Variants in PTPRD observed in about 807,000 individuals in gnomAD.
PTPRD encodes protein tyrosine phosphatase receptor type D, also known as receptor-type tyrosine-protein phosphatase delta.
PTPRD carries 34 observed loss-of-function variants against 214.5 expected under a neutral mutation model. The observed-to-expected ratio is 0.16, with a 90% CI of 0.12 to 0.21. The LOEUF is 0.21. Ranked by LOEUF, PTPRD falls within the 10% of genes least tolerant of loss-of-function variation. PTPRD has a pLI of 1.00. For missense variants in PTPRD, 2,545 were observed against 2,398.7 expected (o/e 1.06, Z -1.27); for synonymous variants, 1,128 against 845.7 (o/e 1.33, Z -5.79).
rs149725628 is a variant in PTPRD, at chr9:8,372,138, C to T, written c.4661+3798G>A. 3.5e-3 allele frequency among the ~76,000 whole-genome samples: 531 copies of T among 152,140 alleles called. 4 individuals carry two copies. Among genetic ancestry groups the T allele is most frequent in the African/African-American group, 0.012 (491 of 41,526 alleles). On this transcript the variant is annotated intron_variant, in intron 39 of 45. Coordinates refer to ENST00000381196, the MANE Select transcript of PTPRD (RefSeq NM_002839.4). ...TGTTCTCTCTCACTGAGAAAAGTCT[C>T]ATGGGATTGCCATAGTAGAAAATAT...
chr9:10,312,550 A>G (rs1004978873), intron 3 of PTPRD, among the ~76,000 whole-genome samples: 1 of 152,032 alleles, frequency 6.6e-6, no homozygotes, highest in Non-Finnish European at 1.5e-5. Flanking sequence ...TCTTGCTTAA[A>G]GAAAAGATTT....
intron 2 of PTPRD, among the ~76,000 whole-genome samples, chr9:10,421,536 T>A (rs1054157592): frequency 6.6e-6 from 1 of 151,896 alleles, no homozygotes; most frequent in Admixed American, 6.6e-5. Context: ...TTTAAGGAGA[T>A]AATGATAAAT....
At chr9:10,444,813 T>A (rs544885775) in intron 2 of PTPRD, among the ~76,000 whole-genome samples, 1 of 152,074 alleles carries the variant, frequency 6.6e-6, no homozygotes, top group Admixed American at 6.6e-5. Context: ...CTGAATAAAT[T>A]AGACTTTGTG....
Position 10,464,410 on chromosome 9 carries a change from GAC to G in PTPRD, c.-599-123395_-599-123394del, listed in dbSNP as rs1229751837. Among the ~76,000 whole-genome samples the G allele has an allele frequency of 4.1e-3, 552 of 134,514 alleles. 2 individuals are homozygous for G. The highest frequency in any genetic ancestry group is 0.013 in the African/African-American group (509 of 38,712). The allele number at this position is 134,514 out of a possible 152,430, so 88.2% of individuals were successfully genotyped here. A position where few individuals can be genotyped will look rare whatever the true frequency, so the allele number is the denominator to read the frequency against. On this transcript the variant is annotated intron_variant, in intron 2 of 45. Transcript: ENST00000381196. ...AGAAAGAGAGAGAGAGAGATAGAGAGACAGAGAGAGAGAGAGAGAGACAGAGA... is the reference window on the plus strand; with the variant it reads ...AGAAAGAGAGAGAGAGAGATAGAGAGAGAGAGAGAGAGAGAGAGACAGAGA...
rs1179429190 is a variant in PTPRD at position 10,100,566 on chromosome 9, T to C, written c.-544-66776A>G. On this transcript the variant is annotated intron_variant, in intron 3 of 45. Transcript: ENST00000381196. ...AAGAAGTCAGCAACCACAGGGAATA[T>C]GCAACAATGAGAATTTCATAGGAGT... is the stretch of plus-strand genomic sequence containing the variant. Among the ~76,000 whole-genome samples the C allele has an allele frequency of 5.9e-5, 9 of 151,864 alleles. No homozygotes were observed. The East Asian group carries it at 1.8e-3, about 30-fold the overall frequency.
chr9:9,080,488 C>G (rs117994174), intron 10 of PTPRD, among the ~76,000 whole-genome samples: 4 of 152,162 alleles, frequency 2.6e-5, no homozygotes, highest in Non-Finnish European at 5.9e-5. Context: ...AAATGATATC[C>G]TATCATCTTA....
At chr9:10,364,769 T>G (rs889417241) in intron 2 of PTPRD, among the ~76,000 whole-genome samples, 3 of 151,304 alleles carry the variant, frequency 2.0e-5, no homozygotes, top group African/African-American at 7.4e-5. Context: ...TAATTTTCAC[T>G]GAGCATATTC....
intron 11 of PTPRD, among the ~76,000 whole-genome samples, chr9:9,014,054 A>G (rs368207091): frequency 3.9e-5 from 6 of 152,110 alleles, no homozygotes; most frequent in African/African-American, 1.4e-4. Context: ...TACTTGTTGT[A>G]GATAACACCA....
intron 11 of PTPRD, among the ~76,000 whole-genome samples, chr9:8,952,385 A>G (rs1390668247): frequency 6.6e-6 from 1 of 152,062 alleles, no homozygotes; most frequent in Admixed American, 6.6e-5. Context: ...AAAGGAATGC[A>G]CAGGGCAATT....
At chr9:10,280,386 A>G (rs1037643515) in intron 3 of PTPRD, among the ~76,000 whole-genome samples, 2 of 150,212 alleles carry the variant, frequency 1.3e-5, no homozygotes, top group Non-Finnish European at 3.0e-5. Flanking sequence ...ACACACACAC[A>G]CACATGTGAG....
chr9:8,951,022 T>C lies in PTPRD; in HGVS notation c.-104+67675A>G, dbSNP rs114556101. Among the ~76,000 whole-genome samples the C allele has an allele frequency of 4.6e-3, 696 of 152,220 alleles. 5 individuals carry two copies. Among genetic ancestry groups the C allele is most frequent in the African/African-American group, 0.016 (666 of 41,554 alleles). On this transcript the variant is annotated intron_variant, in intron 11 of 45. Transcript: ENST00000381196. Reference sequence around the variant, plus strand: ...GCTGGAAGAGTTCATTATTTAAAGATATGTTTTTGGAATCCTTTTAGTAAG... The same window carrying C: ...GCTGGAAGAGTTCATTATTTAAAGACATGTTTTTGGAATCCTTTTAGTAAG...
chr9:8,487,746 G>A (rs1216194268), intron 27 of PTPRD, among the ~76,000 whole-genome samples: 1 of 152,160 alleles, frequency 6.6e-6, no homozygotes, highest in African/African-American at 2.4e-5. Context: ...GGAGGCAGAG[G>A]TTGCAGTGAG....
chr9:9,352,815 T>C (rs573535649), intron 9 of PTPRD, among the ~76,000 whole-genome samples: 3 of 152,066 alleles, frequency 2.0e-5, no homozygotes, highest in African/African-American at 7.2e-5. Context: ...TTCTTAAATA[T>C]GTAGGAAAGG....
intron 10 of PTPRD, among the ~76,000 whole-genome samples, chr9:9,032,245 G>C (rs1056967221): frequency 6.6e-6 from 1 of 151,924 alleles, no homozygotes; most frequent in South Asian, 2.1e-4. Context: ...TTCTGAAAGT[G>C]ATCTTTTTGA....
intron 9 of PTPRD, among the ~76,000 whole-genome samples, chr9:9,379,845 A>G (rs2061706770): frequency 6.6e-6 from 1 of 151,926 alleles, no homozygotes; most frequent in African/African-American, 2.4e-5. Flanking sequence ...CATTGTTGGT[A>G]TATAGGAAAG....
chr9:9,796,608 A>G (rs16930359), intron 5 of PTPRD, among the ~76,000 whole-genome samples: 2,882 of 152,274 alleles, frequency 0.019, 83 homozygotes, highest in African/African-American at 0.066. Context: ...GTGTGGAGTA[A>G]AATGAGGAAC....
intron 14 of PTPRD, among the ~76,000 whole-genome samples, chr9:8,536,198 T>C (rs1593056920): frequency 6.6e-6 from 1 of 151,928 alleles, no homozygotes; most frequent in Non-Finnish European, 1.5e-5. Context: ...TCTATGCAAA[T>C]TGCTATTCTT....
At chr9:9,332,031 C>G (rs144807160) in intron 9 of PTPRD, among the ~76,000 whole-genome samples, 40 of 152,132 alleles carry the variant, frequency 2.6e-4, no homozygotes, top group Non-Finnish European at 4.9e-4. Flanking sequence ...TATTTGTTCC[C>G]TCTCTGCGGA....
chr9:9,318,365 T>C (rs953631082), intron 9 of PTPRD, among the ~76,000 whole-genome samples: 14 of 152,228 alleles, frequency 9.2e-5, no homozygotes, highest in East Asian at 1.9e-4. Context: ...CTTTGTAATA[T>C]CTGAATTGAC....
Sources: allele counts gnomAD v4.1 joint callset (sites outside exome capture counted in the v4.1 genomes callset), GRCh38; gene constraint gnomAD v4.1.1; transcripts MANE v1.5; gene names NCBI Gene and HGNC (gene_info 2026-07-23, HGNC 2026-07-21).